SYT1: variants seen among roughly 807,000 people sequenced by gnomAD.
The protein encoded by SYT1 is synaptotagmin-1.
Under a neutral mutation model 44.8 loss-of-function variants are expected in SYT1, and 8 were observed. That is an observed-to-expected ratio of 0.18 (90% confidence interval 0.10 to 0.32). The LOEUF (loss-of-function observed/expected upper bound fraction) is 0.32, where lower values mean the gene tolerates loss of function less well. Ranked by LOEUF, SYT1 falls within the 10% of genes least tolerant of loss-of-function variation. SYT1 has a pLI of 1.00. For missense variants in SYT1, 286 were observed against 509.3 expected, an observed-to-expected ratio of 0.56 and a Z score of 4.22; for synonymous variants, 154 against 188.8, an observed-to-expected ratio of 0.82 and a Z score of 1.51.
intron 9 of SYT1, among the ~76,000 whole-genome samples, chr12:79,412,267 GTGTGTTTACTGGAGTTGTATGCAT>G (rs1328441729): frequency 3.9e-5 from 6 of 152,140 alleles, no homozygotes; most frequent in Non-Finnish European, 7.4e-5. Context: ...CACATGCAGA[GTGTGTTTACTGGAGTTGTATGCAT>G]GCTTACTTGG....
intron 4 of SYT1, among the ~76,000 whole-genome samples, chr12:79,239,066 G>C (rs1330163712): frequency 2.0e-5 from 3 of 152,142 alleles, no homozygotes; most frequent in Non-Finnish European, 4.4e-5. Context: ...TATTTTGTAT[G>C]TACTGCTCCT....
rs1879276818 is a variant in SYT1, at chr12:79,285,724, G to A, written c.167-63G>A. The A allele has an allele frequency of 1.6e-5, 20 of 1,258,362 alleles. 1 individual carries two copies. In the South Asian group the frequency reaches 2.7e-4, roughly 17 times the overall value. 77.9% of individuals were successfully genotyped at this position (1,258,362 alleles called of 1,614,324 possible). A position where few individuals can be genotyped will look rare whatever the true frequency, so the allele number is the denominator to read the frequency against. ...AAAAATGAATATCTTTATAGCCCAT[G>A]AGTTAAAAGGTTTTCCACATCTAAG... On this transcript the variant is annotated intron_variant, in intron 4 of 10. Transcript: ENST00000261205.
At chr12:79,365,721 C>T (rs1180912446) in intron 9 of SYT1, among the ~76,000 whole-genome samples, 1 of 149,974 alleles carries the variant, frequency 6.7e-6, no homozygotes, top group South Asian at 2.1e-4. Flanking sequence ...TATACAATGT[C>T]ATTATGCATC....
At chr12:78,960,648 C>T (rs984200987) in intron 1 of SYT1, 2 of 152,202 alleles carry the variant, frequency 1.3e-5, no homozygotes, top group East Asian at 1.9e-4. Flanking sequence ...CTGCAGGATC[C>T]GCAGGTACCC....
chr12:79,101,127 TGTAAG>T (rs1878421578), intron 3 of SYT1, among the ~76,000 whole-genome samples: 1 of 152,188 alleles, frequency 6.6e-6, no homozygotes, highest in African/African-American at 2.4e-5. Context: ...TACCTTAAAA[TGTAAG>T]GTAAGAACAG....
chr12:78,929,104 A>G (rs962457716), intron 1 of SYT1, among the ~76,000 whole-genome samples: 1 of 152,012 alleles, frequency 6.6e-6, no homozygotes, highest in African/African-American at 2.4e-5. Context: ...GGATAAATAT[A>G]TAAAAAGTTA....
intron 8 of SYT1, among the ~76,000 whole-genome samples, chr12:79,352,025 A>G (rs1355862594): frequency 6.6e-6 from 1 of 152,152 alleles, no homozygotes; most frequent in Non-Finnish European, 1.5e-5. Context: ...GACTCAAGAA[A>G]TGAAACACTT....
At chr12:78,876,789 A>AT (rs1874126352) in intron 1 of SYT1, among the ~76,000 whole-genome samples, 4 of 49,620 alleles carry the variant, frequency 8.1e-5, no homozygotes, top group African/African-American at 3.7e-4. Flanking sequence ...ATTATATAAT[A>AT]CATATAATAT....
intron 1 of SYT1, among the ~76,000 whole-genome samples, chr12:78,953,666 A>T (rs1345016944): frequency 1.3e-5 from 2 of 152,146 alleles, no homozygotes; most frequent in African/African-American, 4.8e-5. Context: ...CCACAGTATG[A>T]CATTAAGAAA....
chr12:79,053,524 A>C (rs1442347537), intron 3 of SYT1, among the ~76,000 whole-genome samples: 1 of 150,150 alleles, frequency 6.7e-6, no homozygotes, highest in Non-Finnish European at 1.5e-5. Flanking sequence ...AAAATTTAAA[A>C]AAATTCTTAT....
At chr12:79,014,670 A>G (rs185780608) in intron 2 of SYT1, among the ~76,000 whole-genome samples, 1 of 152,310 alleles carries the variant, frequency 6.6e-6, no homozygotes, top group Admixed American at 6.5e-5. Flanking sequence ...TCAGGGATCT[A>G]GAACTAGAAA....
At chr12:79,383,653 A>G (rs1884316159) in intron 9 of SYT1, among the ~76,000 whole-genome samples, 1 of 152,216 alleles carries the variant, frequency 6.6e-6, no homozygotes, top group Admixed American at 6.5e-5. Flanking sequence ...GGAAGATCAG[A>G]ATTTAATTAG....
intron 3 of SYT1, among the ~76,000 whole-genome samples, chr12:79,190,262 C>A (rs1373733835): frequency 6.6e-6 from 1 of 151,936 alleles, no homozygotes; most frequent in East Asian, 1.9e-4. Context: ...GTTTTTGAAC[C>A]ACAGCTTGTT....
chr12:79,336,771 C>T (rs182369606), intron 8 of SYT1, among the ~76,000 whole-genome samples: 12 of 152,200 alleles, frequency 7.9e-5, no homozygotes, highest in Non-Finnish European at 1.6e-4. Flanking sequence ...CTGGGATGAC[C>T]GGTGCACACC....
chr12:79,350,277 G>T (rs1393582973), intron 8 of SYT1, among the ~76,000 whole-genome samples: 4 of 141,660 alleles, frequency 2.8e-5, no homozygotes, highest in Non-Finnish European at 6.1e-5. Context: ...TTTTGAGACG[G>T]AGTCTCGCTC....
At chr12:78,950,708 T>C (rs1452375835) in intron 1 of SYT1, among the ~76,000 whole-genome samples, 1 of 152,092 alleles carries the variant, frequency 6.6e-6, no homozygotes, top group Non-Finnish European at 1.5e-5. Context: ...TAAATGTATG[T>C]ATATTTATTT....
At chr12:79,072,880 G>A (rs1033443723) in intron 3 of SYT1, among the ~76,000 whole-genome samples, 10 of 152,054 alleles carry the variant, frequency 6.6e-5, no homozygotes, top group African/African-American at 2.4e-4. Flanking sequence ...CCCTCAAATA[G>A]GTTAACCTCA....
In SYT1 at chr12:79,217,602, A is replaced by G. The variant is rs1243858046; in HGVS notation, c.83A>G (p.Glu28Gly). ...ACTGTTCTGCCAAGCAACGCCACAGAGCCAGCCAGTCCTGGAGAAGGAAAG... is the reference window on the plus strand; with the variant it reads ...ACTGTTCTGCCAAGCAACGCCACAGGGCCAGCCAGTCCTGGAGAAGGAAAG... ...VATVLPSNAT[E>G]PASPGEGKED... The change falls in exon 4 of 11, where the codon GAG becomes GGG. Residue 28 changes from glutamate (E) to glycine (G), a missense_variant. By Grantham distance (98) the Glu-to-Gly change is moderately conservative (BLOSUM62 -2). This residue lies in a region of SYT1 where 141 missense variants were observed against 165.7 expected (regional missense o/e 0.85). Coordinates refer to ENST00000261205, the MANE Select transcript of SYT1 (RefSeq NM_005639.3). 1 of 1,613,384 alleles carries G rather than the reference A, an allele frequency of 6.2e-7. No homozygotes were observed. The highest frequency in any genetic ancestry group is 1.7e-5 in the Admixed American group (1 of 59,924).
At chr12:79,115,335 A>G (rs1400553192) in intron 3 of SYT1, among the ~76,000 whole-genome samples, 1 of 152,204 alleles carries the variant, frequency 6.6e-6, no homozygotes, top group African/African-American at 2.4e-5. Context: ...AATCACACTT[A>G]CATAGTGAGA....
Sources: gnomAD v4.1 joint callset for allele counts (sites outside exome capture counted in the v4.1 genomes callset) on GRCh38, gnomAD v4.1.1 for gene constraint, gnomAD v4.1.1 regional missense constraint, MANE v1.5 for transcripts, NCBI Gene and HGNC (gene_info 2026-07-23, HGNC 2026-07-21) for gene names.